ROBO1: variants seen among roughly 807,000 people sequenced by gnomAD.
The protein encoded by ROBO1 is roundabout homolog 1.
In ROBO1, 149 loss-of-function variants were observed where a neutral mutation model predicts 195.9. The ratio of observed to expected loss-of-function variants is 0.76; its 90% confidence interval spans 0.67 to 0.87. The LOEUF (loss-of-function observed/expected upper bound fraction) is 0.87, where lower values mean the gene tolerates loss of function less well. ROBO1 is among the 40% of genes least tolerant of loss of function. The probability of loss-of-function intolerance (pLI) is 0.00; values close to 1 mark genes in which losing one functional copy is unlikely to be tolerated. For synonymous variants in ROBO1, 816 were observed against 733.2 expected (o/e 1.11, Z -1.82); for missense variants, 1,933 against 2,068.3 (o/e 0.93, Z 1.27).
At chr3:79,004,654 G>A (rs1276073519) in intron 3 of ROBO1, among the ~76,000 whole-genome samples, 1 of 152,106 alleles carries the variant, frequency 6.6e-6, no homozygotes, top group Non-Finnish European at 1.5e-5. Flanking sequence ...AAACAGGGGA[G>A]GGAAAAGGAC....
chr3:79,165,673 G>C (rs1159020189), intron 2 of ROBO1, among the ~76,000 whole-genome samples: 4 of 152,274 alleles, frequency 2.6e-5, no homozygotes, highest in Admixed American at 1.3e-4. Flanking sequence ...TAAAGAAATA[G>C]CCTACAGAAT....
chr3:78,919,135 C>T (rs2038796836), intron 4 of ROBO1, among the ~76,000 whole-genome samples: 4 of 152,056 alleles, frequency 2.6e-5, no homozygotes, highest in South Asian at 2.1e-4. Context: ...ACTTTCTTAC[C>T]GGTTATTACA....
At chr3:79,720,243 A>G (rs1702643689) in intron 1 of ROBO1, among the ~76,000 whole-genome samples, 1 of 152,150 alleles carries the variant, frequency 6.6e-6, no homozygotes. Context: ...GGCCTCATGG[A>G]CCAACGGACC....
chr3:78,933,113 T>A (rs1337755718), intron 4 of ROBO1, among the ~76,000 whole-genome samples: 1 of 152,122 alleles, frequency 6.6e-6, no homozygotes, highest in Non-Finnish European at 1.5e-5. Context: ...TAAGATAGAC[T>A]ATAACCTGAG....
intron 2 of ROBO1, among the ~76,000 whole-genome samples, chr3:79,174,266 G>C (rs1214577243): frequency 6.6e-6 from 1 of 151,986 alleles, no homozygotes; most frequent in Non-Finnish European, 1.5e-5. Flanking sequence ...CCTGAAGCCA[G>C]CGAGCCCACG....
At chr3:78,948,388 T>A (rs1275539680) in intron 3 of ROBO1, among the ~76,000 whole-genome samples, 4 of 152,076 alleles carry the variant, frequency 2.6e-5, no homozygotes, top group Non-Finnish European at 5.9e-5. Flanking sequence ...GTAATCCAGC[T>A]TATAAACAGA....
chr3:79,752,959 G>A (rs1704201257), intron 1 of ROBO1, among the ~76,000 whole-genome samples: 1 of 152,104 alleles, frequency 6.6e-6, no homozygotes, highest in African/African-American at 2.4e-5. Flanking sequence ...AATCTAATAC[G>A]ATTGAGGATT....
intron 4 of ROBO1, among the ~76,000 whole-genome samples, chr3:78,859,950 A>G (rs957394972): frequency 2.6e-4 from 40 of 152,044 alleles, no homozygotes; most frequent in Non-Finnish European, 4.3e-4. Flanking sequence ...GTGGTGGCGG[A>G]CGCCTGTGGT....
intron 24 of ROBO1, among the ~76,000 whole-genome samples, chr3:78,632,369 G>A (rs1275836055): frequency 6.6e-6 from 1 of 152,164 alleles, no homozygotes; most frequent in South Asian, 2.1e-4. Context: ...GCGTGGGCTA[G>A]GGACAGGCTG....
intron 2 of ROBO1, among the ~76,000 whole-genome samples, chr3:79,489,910 A>G (rs576413606): frequency 4.5e-4 from 68 of 152,262 alleles, no homozygotes; most frequent in African/African-American, 1.4e-3. Context: ...TTCATATAAT[A>G]TGTATTTCAA....
intron 2 of ROBO1, among the ~76,000 whole-genome samples, chr3:79,373,872 G>A (rs2036289672): frequency 6.6e-6 from 1 of 152,230 alleles, no homozygotes; most frequent in South Asian, 2.1e-4. Context: ...ATCCCTTGGG[G>A]ACCTTTAGAT....
chr3:79,383,766 C>T (rs1162144909), intron 2 of ROBO1, among the ~76,000 whole-genome samples: 2 of 152,014 alleles, frequency 1.3e-5, no homozygotes, highest in East Asian at 3.8e-4. Flanking sequence ...ATTTTCCTTT[C>T]TTTCTTTAGT....
At chr3:79,686,174 T>C (rs1947106458) in intron 1 of ROBO1, among the ~76,000 whole-genome samples, 1 of 152,184 alleles carries the variant, frequency 6.6e-6, no homozygotes, top group Admixed American at 6.5e-5. Flanking sequence ...TCAACAACCG[T>C]TCATGCTAAA....
At chr3:79,317,856 TACAC>T (rs568410472) in intron 2 of ROBO1, among the ~76,000 whole-genome samples, 1 of 151,214 alleles carries the variant, frequency 6.6e-6, no homozygotes, top group Admixed American at 6.6e-5. Flanking sequence ...ATCTGTGTTA[TACAC>T]ACACACACAC....
chr3:79,232,513 C>G (rs2082338226), intron 2 of ROBO1, among the ~76,000 whole-genome samples: 2 of 150,686 alleles, frequency 1.3e-5, no homozygotes, highest in Admixed American at 1.3e-4. Flanking sequence ...GAACACTAGT[C>G]TTTAAATAAG....
chr3:79,137,889 C>A (rs1019910227), intron 2 of ROBO1, among the ~76,000 whole-genome samples: 1 of 152,018 alleles, frequency 6.6e-6, no homozygotes, highest in Non-Finnish European at 1.5e-5. Context: ...AGTCACTGAA[C>A]AATAAGATTG....
intron 2 of ROBO1, among the ~76,000 whole-genome samples, chr3:79,255,003 T>C (rs1474602936): frequency 1.3e-5 from 2 of 152,118 alleles, no homozygotes; most frequent in Non-Finnish European, 2.9e-5. Flanking sequence ...ACACAGTAAA[T>C]AAAACTTCAA....
intron 2 of ROBO1, among the ~76,000 whole-genome samples, chr3:79,184,591 C>G (rs1455830): frequency 6.6e-6 from 1 of 152,126 alleles, no homozygotes; most frequent in South Asian, 2.1e-4. Flanking sequence ...CCAGGACTTA[C>G]GGTAGGTGGG....
chr3:79,433,490 C>T lies in ROBO1; in HGVS notation c.88+156334G>A, dbSNP rs1244780252. Among the ~76,000 whole-genome samples, 4 of 152,142 alleles carry T rather than the reference C, an allele frequency of 2.6e-5. No homozygotes were observed. The East Asian group carries it at 7.7e-4, about 29-fold the overall frequency. ...ACATCCTCACATCAGACTTGCACTC[C>T]TAGACTCAAGCAATCCTTCTGCCTC... On this transcript the variant is annotated intron_variant, in intron 2 of 30. Transcript: ENST00000464233.
Sources: gnomAD v4.1 joint callset for allele counts (sites outside exome capture counted in the v4.1 genomes callset) on GRCh38, gnomAD v4.1.1 for gene constraint, MANE v1.5 for transcripts, NCBI Gene and HGNC (gene_info 2026-07-23, HGNC 2026-07-21) for gene names.